The following SMTN variants were observed in gnomAD, a reference collection of about 807,000 sequenced individuals.
SMTN encodes smoothelin.
In SMTN, 58 loss-of-function variants were observed where a neutral mutation model predicts 102.0. That is an observed-to-expected ratio of 0.57 (90% CI 0.46 to 0.71). SMTN has a LOEUF of 0.71. Among genes scored for constraint, SMTN ranks in the 30% least tolerant of loss-of-function variants. The pLI, the probability that SMTN is intolerant of heterozygous loss-of-function variation, is 0.00. For missense variants in SMTN, 1,185 were observed against 1,241.7 expected (o/e 0.95, Z 0.69); for synonymous variants, 478 against 497.9 (o/e 0.96, Z 0.53).
At chr22:31,067,361 T>C (rs1405786535) in intron 1 of SMTN, 1 of 151,434 alleles carries the variant, frequency 6.6e-6, no homozygotes, top group Non-Finnish European at 1.5e-5. Context: ...TGCCTCAGCC[T>C]CCTGAGTAGC....
intron 16 of SMTN, among the ~76,000 whole-genome samples, 156 bp downstream of exon 16, chr22:31,097,494 A>T (rs983963419): frequency 3.8e-4 from 58 of 151,994 alleles, no homozygotes; most frequent in Non-Finnish European, 7.5e-4. Flanking sequence ...ACTTGAGGTC[A>T]GGAGTTCAAG....
At chr22:31,098,537 C>A in intron 16 of SMTN, 130 bp from the exon 17 acceptor site, 1 of 832,682 alleles carries the variant, frequency 1.2e-6, no homozygotes, top group Non-Finnish European at 1.9e-6. Context: ...ACGCCTCCCT[C>A]CCTGGCAGGC....
rs761304346 is a variant in SMTN, at chr22:31,083,173, C to G, written c.-80-6C>G. 3.2e-6 allele frequency: 5 copies of G among 1,564,212 alleles called. No homozygotes were observed. In the East Asian group the frequency reaches 9.3e-5, roughly 29 times the overall value. On this transcript the variant is annotated splice_region_variant and splice_polypyrimidine_tract_variant and intron_variant, in intron 1 of 20. Transcript: ENST00000333137. ...AGCATGCCTGATTCATGTCTGTCCC[C>G]TGCAGAATTCTCTGAGCTGGTGACA...
In SMTN at chr22:31,104,249, G is replaced by C. The variant is rs936554063; in HGVS notation, c.*21-67G>C. 37 of 1,572,588 alleles carry C rather than the reference G, an allele frequency of 2.4e-5. No individual in the cohort carries two copies. The African/African-American group carries it at 4.7e-4, about 20-fold the overall frequency. On this transcript the variant is annotated intron_variant, in intron 20 of 20. Transcript: ENST00000333137. ...GCAATGCGGCAATAAAAAAGACCTT[G>C]GGGTAGAGGGGCGCCACGAGAGGCG...
At chr22:31,102,842 T>G (rs1336090379) in intron 20 of SMTN, 2 of 152,430 alleles carry the variant, frequency 1.3e-5, no homozygotes, top group Non-Finnish European at 2.9e-5. Flanking sequence ...GGAAGAAGCT[T>G]CAGAGAGAGG....
At chr22:31,067,659 A>C (rs145748211) in intron 1 of SMTN, 47,486 of 145,614 alleles carry the variant, frequency 0.33, 8,173 homozygotes, top group South Asian at 0.44. Context: ...GGTTCACGCC[A>C]TTCTCCTGCC....
intron 20 of SMTN, chr22:31,101,311 C>T: frequency 2.4e-6 from 1 of 422,060 alleles, no homozygotes; most frequent in Non-Finnish European, 4.3e-6. Context: ...CTGGGCCCCC[C>T]ATCTGAAAAA....
At chr22:31,086,852 C>T (rs1344763420) in intron 2 of SMTN, among the ~76,000 whole-genome samples, 4 of 152,230 alleles carry the variant, frequency 2.6e-5, no homozygotes, top group Non-Finnish European at 1.5e-5. Context: ...GGCCAGCCCA[C>T]ACTCCCTGCT....
chr22:31,097,269 A>G lies in SMTN; in HGVS notation c.2090A>G (p.Asn697Ser). 1 of 1,613,988 alleles carries G rather than the reference A, an allele frequency of 6.2e-7. No homozygotes were observed. Among genetic ancestry groups the G allele is most frequent in the South Asian group, 1.1e-5 (1 of 91,074 alleles). The change falls in exon 16 of 21, where the codon AAT becomes AGT. Residue 697 changes from asparagine (N) to serine (S), a missense_variant and splice_region_variant. Transcript: ENST00000333137. ...TGGTGCCCCTTCCCCTTTTTTGCAG[A>G]TGGCAGTGGCAGCACCATGATGCAA... Reference protein sequence around the residue: ...VESSFVRRSENGSGSTMMQTK... With the variant: ...VESSFVRRSESGSGSTMMQTK...
In SMTN at chr22:31,098,761, G is replaced by T. The variant is rs758812484; in HGVS notation, c.2254G>T (p.Ala752Ser). Residue 752 changes from alanine (A) to serine (S), a missense_variant, in exon 17 of 21, where the codon GCG becomes TCG. This residue lies in a region of SMTN where 1,096 missense variants were observed against 1,112.7 expected (regional missense o/e 0.98). Coordinates refer to ENST00000333137, the MANE Select transcript of SMTN (RefSeq NM_134269.3). ...CGAGAAGAAGAAAGAGCTGATGAAG[G>T]CGCAGAGTCTGCCCAAGACCTCAGC... ...QAEKKKELMK[A>S]QSLPKTSASQ... is the part of the protein sequence containing the mutation. The T allele has an allele frequency of 1.2e-6, 2 of 1,613,298 alleles. No individual in the cohort carries two copies. Among genetic ancestry groups the T allele is most frequent in the Non-Finnish European group, 1.7e-6 (2 of 1,179,878 alleles).
chr22:31,081,056 C>CT (rs1174737336), upstream of SMTN, among the ~76,000 whole-genome samples: 5 of 152,100 alleles, frequency 3.3e-5, no homozygotes, highest in African/African-American at 1.2e-4. Context: ...GGGGCGCCCC[C>CT]CCCGACTTGG....
chr22:31,088,244 C>T (rs1054244234), intron 3 of SMTN, 131 bp downstream of exon 3: 43 of 1,097,866 alleles, frequency 3.9e-5, no homozygotes, highest in East Asian at 3.1e-4. Context: ...CGTCCACACA[C>T]GCTTCTGGAA....
intron 17 of SMTN, 110 bp downstream of exon 17, chr22:31,098,950 G>A: frequency 6.5e-7 from 1 of 1,542,132 alleles, no homozygotes; most frequent in Non-Finnish European, 8.9e-7. Context: ...GGCTAGATCT[G>A]TGGTGCAAAG....
chr22:31,080,990 G>A (rs189190991), upstream of SMTN, among the ~76,000 whole-genome samples: 202 of 152,176 alleles, frequency 1.3e-3, no homozygotes, highest in Non-Finnish European at 2.2e-3. Flanking sequence ...AGGGCGGAGA[G>A]GGGCTGTCCT....
intron 1 of SMTN, among the ~76,000 whole-genome samples, chr22:31,076,165 A>G (rs1056948906): frequency 6.6e-6 from 1 of 152,154 alleles, no homozygotes; most frequent in Non-Finnish European, 1.5e-5. Flanking sequence ...CGCCACGTCT[A>G]CACTTGGCTC....
At chr22:31,093,137 C>T (rs1485716960) in intron 11 of SMTN, among the ~76,000 whole-genome samples, 2 of 152,258 alleles carry the variant, frequency 1.3e-5, no homozygotes, top group Non-Finnish European at 2.9e-5. Context: ...TCTCAGTGAT[C>T]TTCAGAACCC....
At chr22:31,093,684 G>A (rs1271915510) in intron 11 of SMTN, 2 of 893,174 alleles carry the variant, frequency 2.2e-6, no homozygotes, top group Non-Finnish European at 1.9e-6. Context: ...TGGAGGTGCT[G>A]AGCCTACGGC....
chr22:31,093,957 C>G (rs2043358250), intron 11 of SMTN: 1 of 913,386 alleles, frequency 1.1e-6, no homozygotes, highest in South Asian at 1.7e-5. Flanking sequence ...TCACCACCTT[C>G]TCTGAGCCTC....
chr22:31,091,563 G>A, intron 10 of SMTN, 81 bp downstream of exon 10: 1 of 1,510,162 alleles, frequency 6.6e-7, no homozygotes, highest in Admixed American at 2.2e-5. Context: ...GCTGCGGCCA[G>A]GACTCAGGGT....
Sources: allele counts gnomAD v4.1 joint callset (sites outside exome capture counted in the v4.1 genomes callset), GRCh38; gene constraint gnomAD v4.1.1; regional missense constraint gnomAD v4.1.1; transcripts MANE v1.5; gene names NCBI Gene and HGNC (gene_info 2026-07-23, HGNC 2026-07-21).